Variants in ACBD3 observed in about 807,000 individuals in gnomAD.
ACBD3 encodes the protein Golgi resident protein GCP60.
ACBD3 carries 30 observed loss-of-function variants against 66.9 expected under a neutral mutation model. That is an observed-to-expected ratio of 0.45 (90% CI 0.34 to 0.61). The LOEUF is 0.61. ACBD3 is among the 20% of genes least tolerant of loss of function. ACBD3 has a pLI of 0.02. For synonymous variants in ACBD3, 278 were observed against 259.8 expected, an observed-to-expected ratio of 1.07 and a Z score of -0.68; for missense variants, 544 against 664.5, an observed-to-expected ratio of 0.82 and a Z score of 1.99.
chr1:226,148,654 G>C (rs1429787160), intron 7 of ACBD3, among the ~76,000 whole-genome samples: 1 of 152,108 alleles, frequency 6.6e-6, no homozygotes, highest in East Asian at 1.9e-4. Context: ...AGAAAATGGA[G>C]AATTAAAACA....
intron 1 of ACBD3, among the ~76,000 whole-genome samples, chr1:226,183,481 C>T (rs1007423146): frequency 6.6e-6 from 1 of 151,942 alleles, no homozygotes; most frequent in Non-Finnish European, 1.5e-5. Context: ...CACACCCGGC[C>T]GAAAATGTAA....
chr1:226,148,494 G>A (rs1389116733), intron 7 of ACBD3, among the ~76,000 whole-genome samples: 1 of 152,166 alleles, frequency 6.6e-6, no homozygotes, highest in Admixed American at 6.5e-5. Flanking sequence ...CATCCAAAAT[G>A]TACACTATTG....
At chr1:226,155,050 T>TA (rs529036877) in intron 5 of ACBD3, 11 of 354,756 alleles carry the variant, frequency 3.1e-5, no homozygotes, top group Non-Finnish European at 5.5e-5. Flanking sequence ...CAATAAAAAT[T>TA]AATGTGGACA....
chr1:226,183,321 G>A (rs1656213327), intron 1 of ACBD3, among the ~76,000 whole-genome samples: 2 of 151,948 alleles, frequency 1.3e-5, no homozygotes, highest in African/African-American at 2.4e-5. Flanking sequence ...GACTATAGGC[G>A]CCTGCCACCA....
At position 226,179,178 on chromosome 1, in the gene ACBD3, C is replaced by A. The variant is rs533534614; in HGVS notation, c.286+7212G>T. ...TGTTTTGTTATCAATAAAATAAATA[C>A]TGCTCCTTAGGGTTCATATGAGTGT... On this transcript the variant is annotated intron_variant, in intron 1 of 7. Coordinates refer to ENST00000366812, the MANE Select transcript of ACBD3 (RefSeq NM_022735.4). 1.1e-4 allele frequency among the ~76,000 whole-genome samples: 16 copies of A among 152,242 alleles called. No individual in the cohort carries two copies. In the East Asian group the frequency reaches 2.9e-3, roughly 28 times the overall value.
At chr1:226,164,297 A>G (rs1659828215) in intron 3 of ACBD3, among the ~76,000 whole-genome samples, 2 of 152,172 alleles carry the variant, frequency 1.3e-5, no homozygotes. Context: ...CCATAAGCAT[A>G]AACAGCACAT....
At position 226,186,684 on chromosome 1, in the gene ACBD3, G is replaced by C; in HGVS notation, c.-9C>G. ...TTCAGCACCGCCGCCATCTCCGGCT[G>C]CTGCACCTCCTCAGCGGGGACAGAC... On this transcript the variant is annotated 5_prime_UTR_variant, in exon 1 of 8. Transcript: ENST00000366812. 6.7e-7 allele frequency: 1 copy of C among 1,491,022 alleles called. No homozygotes were observed. 92.4% of individuals were successfully genotyped at this position (1,491,022 alleles called of 1,614,324 possible).
rs775731925 is a variant in ACBD3 at position 226,165,866 on chromosome 1, C to T, written c.421G>A (p.Asp141Asn). 2.5e-6 allele frequency: 4 copies of T among 1,602,210 alleles called. No homozygotes were observed. The Admixed American group carries it at 7.1e-5, about 28-fold the overall frequency. ...EVGFFDVLGN[D>N]RRREWAALGN... is the part of the protein sequence containing the mutation. The stretch of plus-strand genomic sequence containing the variant: ...ACAGAAAAACACTGTTACCTCCTGT[C>T]ATTCCCCAACACATCAAAGAATCCA... Residue 141 changes from aspartate (D) to asparagine (N), a missense_variant, in exon 2 of 8, where the codon GAC becomes AAC. Physicochemically the swap from Asp to Asn is conservative, Grantham distance 23. This residue lies in a region of ACBD3 where 24 missense variants were observed against 56.2 expected (regional missense o/e 0.43). Coordinates refer to ENST00000366812, the MANE Select transcript of ACBD3 (RefSeq NM_022735.4).
At chr1:226,163,216 A>G (rs1659803565) in intron 3 of ACBD3, among the ~76,000 whole-genome samples, 1 of 152,222 alleles carries the variant, frequency 6.6e-6, no homozygotes, top group South Asian at 2.1e-4. Flanking sequence ...TAAACACTTT[A>G]AAATAATTCT....
At chr1:226,178,776 C>G (rs1243363104) in intron 1 of ACBD3, among the ~76,000 whole-genome samples, 1 of 152,016 alleles carries the variant, frequency 6.6e-6, no homozygotes, top group Non-Finnish European at 1.5e-5. Context: ...GAATTGCAAA[C>G]TAAATCTCAA....
At position 226,184,047 on chromosome 1, in the gene ACBD3, C is replaced by T. The variant is rs558051777; in HGVS notation, c.286+2343G>A. Among the ~76,000 whole-genome samples, 16 of 150,790 alleles carry T rather than the reference C, an allele frequency of 1.1e-4. No individual in the cohort carries two copies. In the East Asian group the frequency reaches 1.6e-3, roughly 15 times the overall value. On this transcript the variant is annotated intron_variant, in intron 1 of 7. Coordinates refer to ENST00000366812, the MANE Select transcript of ACBD3 (RefSeq NM_022735.4). Reference sequence around the variant, plus strand: ...TCTACGAAAAATACAAAAAATTAGCCGGGCGTGGTGGTGGGCACCTGTAGT... The same window carrying T: ...TCTACGAAAAATACAAAAAATTAGCTGGGCGTGGTGGTGGGCACCTGTAGT...
rs1659435786 is a variant in ACBD3, at chr1:226,145,788, TTTA to T, written c.*819_*821del. ...AATTTGAGTTTATAAAATCCTTAAT[TTTA>T]TTCTTTGTGCAGAAAAGTTTCAATT... is the stretch of plus-strand genomic sequence containing the variant. On this transcript the variant is annotated 3_prime_UTR_variant, in exon 8 of 8. Coordinates refer to ENST00000366812, the MANE Select transcript of ACBD3 (RefSeq NM_022735.4). The T allele has an allele frequency of 6.6e-6, 1 of 152,470 alleles. No individual in the cohort carries two copies. The highest frequency in any genetic ancestry group is 6.6e-5 in the Admixed American group (1 of 15,262). 9.4% of individuals were successfully genotyped at this position (152,470 alleles called of 1,614,324 possible).
intron 1 of ACBD3, among the ~76,000 whole-genome samples, chr1:226,175,567 GACA>G (rs1006550263): frequency 6.6e-6 from 1 of 151,374 alleles, no homozygotes; most frequent in African/African-American, 2.4e-5. Flanking sequence ...ACAAACAGCA[GACA>G]ACAATTTAAC....
rs1017635817 is a variant in ACBD3 at position 226,171,033 on chromosome 1, C to T, written c.287-5033G>A. On this transcript the variant is annotated intron_variant, in intron 1 of 7. Transcript: ENST00000366812. ...GCTTCAAGTAATCAATCGCCCTAGG[C>T]TTCCAAAGTGCTGGGATTATAGACA... is the stretch of plus-strand genomic sequence containing the variant. Among the ~76,000 whole-genome samples, 4 of 152,320 alleles carry T rather than the reference C, an allele frequency of 2.6e-5. No individual in the cohort carries two copies. In the East Asian group the frequency reaches 7.7e-4, roughly 29 times the overall value.
At chr1:226,183,182 A>G (rs1656207999) in intron 1 of ACBD3, among the ~76,000 whole-genome samples, 1 of 151,674 alleles carries the variant, frequency 6.6e-6, no homozygotes, top group African/African-American at 2.4e-5. Context: ...TCCTTTATTT[A>G]TTTATTTTTT....
At chr1:226,162,141 A>G (rs1659785087) in intron 3 of ACBD3, among the ~76,000 whole-genome samples, 1 of 152,262 alleles carries the variant, frequency 6.6e-6, no homozygotes, top group Admixed American at 6.5e-5. Flanking sequence ...GGCTTAGCAC[A>G]GTGCTGGAAA....
Position 226,159,180 on chromosome 1 carries a change from G to A in ACBD3, c.903+4C>T, listed in dbSNP as rs775475134. 1.7e-5 allele frequency: 28 copies of A among 1,613,854 alleles called. No individual in the cohort carries two copies. Among genetic ancestry groups the A allele is most frequent in the Admixed American group, 1.0e-4 (6 of 59,982 alleles). On this transcript the variant is annotated splice_donor_region_variant and intron_variant, in intron 5 of 7. Coordinates refer to ENST00000366812, the MANE Select transcript of ACBD3 (RefSeq NM_022735.4). ...AGGCTGAATTCTAGGGTTGTCTATCGTACCTGTTGCTGTGCAAGCTGGACT... is the reference window on the plus strand; with the variant it reads ...AGGCTGAATTCTAGGGTTGTCTATCATACCTGTTGCTGTGCAAGCTGGACT...
Position 226,145,034 on chromosome 1 carries a change from C to T in ACBD3, c.*1576G>A, listed in dbSNP as rs915173190. The stretch of plus-strand genomic sequence containing the variant: ...AGTGCCTAACTCCATGGTTTCTATA[C>T]CATATGTACATGAAAGCTGACAGAG... On this transcript the variant is annotated 3_prime_UTR_variant, in exon 8 of 8. Transcript: ENST00000366812. The T allele has an allele frequency of 6.6e-6, 1 of 152,278 alleles. No individual in the cohort carries two copies. The highest frequency in any genetic ancestry group is 2.1e-4 in the South Asian group (1 of 4,808). 9.4% of individuals were successfully genotyped at this position (152,278 alleles called of 1,614,324 possible).
At position 226,161,638 on chromosome 1, in the gene ACBD3, C is replaced by T. The variant is rs1659777462; in HGVS notation, c.621G>A (p.Leu207=). ...RRREEEERER[L]QKEEEKRRRE... ...TCCTACGTTTCTCTTCCTCCTTTTG[C>T]AGACGTTCTCTTTCTTCCTCTTCAC... The change falls in exon 4 of 8, where the codon CTG becomes CTA. Residue 207 remains leucine, a synonymous_variant. Coordinates refer to ENST00000366812, the MANE Select transcript of ACBD3 (RefSeq NM_022735.4). 6.2e-6 allele frequency: 10 copies of T among 1,612,936 alleles called. No individual in the cohort carries two copies. The highest frequency in any genetic ancestry group is 1.3e-5 in the African/African-American group (1 of 74,856).
Sources: allele counts gnomAD v4.1 joint callset (sites outside exome capture counted in the v4.1 genomes callset), GRCh38; gene constraint gnomAD v4.1.1; regional missense constraint gnomAD v4.1.1; transcripts MANE v1.5; gene names NCBI Gene and HGNC (gene_info 2026-07-23, HGNC 2026-07-21).